Variants in ANKRD17 observed in about 807,000 individuals in gnomAD.
ANKRD17 encodes the protein ankyrin repeat domain 17.
In ANKRD17, 19 loss-of-function variants were observed where a neutral mutation model predicts 229.7. That is an observed-to-expected ratio of 0.08 (90% CI 0.06 to 0.12). The LOEUF is 0.12. Ranked by LOEUF, ANKRD17 falls within the 10% of genes least tolerant of loss-of-function variation. The probability of loss-of-function intolerance (pLI) is 1.00; values close to 1 mark genes in which losing one functional copy is unlikely to be tolerated. For missense variants in ANKRD17, 2,176 were observed against 3,176.8 expected (o/e 0.68, Z 7.57); for synonymous variants, 1,112 against 1,146.1 (o/e 0.97, Z 0.60).
intron 11 of ANKRD17, among the ~76,000 whole-genome samples, chr4:73,144,495 C>A (rs1426595116): frequency 6.6e-6 from 1 of 152,142 alleles, no homozygotes; most frequent in Non-Finnish European, 1.5e-5. Flanking sequence ...AGTTTTTACA[C>A]AGAGAAATTT....
intron 18 of ANKRD17, among the ~76,000 whole-genome samples, chr4:73,122,011 A>G (rs1726803919): frequency 6.6e-6 from 1 of 152,182 alleles, no homozygotes; most frequent in Admixed American, 6.5e-5. Context: ...GTCTGGACTG[A>G]AAATTTTGTG....
chr4:73,101,696 A>C (rs1279932338), intron 25 of ANKRD17, among the ~76,000 whole-genome samples: 9 of 149,256 alleles, frequency 6.0e-5, no homozygotes. Context: ...TTATAGGCGC[A>C]ATGTCAGGAT....
At position 73,155,668 on chromosome 4, in the gene ANKRD17, T is replaced by C. The variant is rs1731568311; in HGVS notation, c.963A>G (p.Leu321=). ...GGHVKIVKLL[L]AHKADVNAQS... is the part of the protein sequence containing the mutation. ...GTGCATTAACATCTGCTTTATGAGCTAGCAGCAACTTCACAATTTTGACAT... is the reference window on the plus strand; with the variant it reads ...GTGCATTAACATCTGCTTTATGAGCCAGCAGCAACTTCACAATTTTGACAT... Residue 321 remains leucine, a synonymous_variant, in exon 5 of 34, where the codon CTA becomes CTG. Transcript: ENST00000358602. 1.2e-6 allele frequency: 2 copies of C among 1,614,180 alleles called. No homozygotes were observed. The highest frequency in any genetic ancestry group is 1.7e-6 in the Non-Finnish European group (2 of 1,180,022).
At position 73,139,848 on chromosome 4, in the gene ANKRD17, T is replaced by G. The variant is rs756789868; in HGVS notation, c.2768A>C (p.Glu923Ala). Residue 923 changes from glutamate (E) to alanine (A), a missense_variant, in exon 15 of 34, where the codon GAG becomes GCG. Physicochemically the swap from Glu to Ala is moderately radical, Grantham distance 107 (BLOSUM62 -1). This residue lies in a region of ANKRD17 where 230 missense variants were observed against 252.3 expected (regional missense o/e 0.91). Coordinates refer to ENST00000358602, the MANE Select transcript of ANKRD17 (RefSeq NM_032217.5). ...TTGCTGTAACCGTGCATAGTCTCCC[T>G]CAGAAAGCTGCTCTCCAACTCCAAC... The part of the protein sequence containing the change: ...TPVGVGEQLS[E>A]GDYARLQQVD... 1 of 1,614,212 alleles carries G rather than the reference T, an allele frequency of 6.2e-7. No individual in the cohort carries two copies. Among genetic ancestry groups the G allele is most frequent in the South Asian group, 1.1e-5 (1 of 91,086 alleles).
chr4:73,093,380 T>TC (rs1722974596), intron 28 of ANKRD17, among the ~76,000 whole-genome samples: 1 of 148,058 alleles, frequency 6.8e-6, no homozygotes, highest in Admixed American at 6.7e-5. Context: ...CAAATTCTTT[T>TC]TTTTTTTTTT....
At chr4:73,202,934 G>A (rs534167703) in intron 1 of ANKRD17, among the ~76,000 whole-genome samples, 1 of 152,302 alleles carries the variant, frequency 6.6e-6, no homozygotes, top group Admixed American at 6.5e-5. Flanking sequence ...GTGAAACAAT[G>A]AGAGAAATGA....
At chr4:73,226,952 A>G (rs998550247) in intron 1 of ANKRD17, among the ~76,000 whole-genome samples, 1 of 152,230 alleles carries the variant, frequency 6.6e-6, no homozygotes, top group Admixed American at 6.5e-5. Context: ...TATTGAATAT[A>G]AACAGAATCT....
chr4:73,121,667 A>G lies in ANKRD17; in HGVS notation c.3585T>C (p.Tyr1195=). The change falls in exon 19 of 34, where the codon TAT becomes TAC. Residue 1195 remains tyrosine (Y), a synonymous_variant. Coordinates refer to ENST00000358602, the MANE Select transcript of ANKRD17 (RefSeq NM_032217.5). ...TTAGTAATATTTTGATGATGTTCAC[A>G]TAGCCACCAGAAGCAGCCAGACTTA... ...TPLSLAASGG[Y]VNIIKILLNA... 2 of 1,613,820 alleles carry G rather than the reference A, an allele frequency of 1.2e-6. No homozygotes were observed. The highest frequency in any genetic ancestry group is 1.7e-6 in the Non-Finnish European group (2 of 1,179,810).
intron 24 of ANKRD17, among the ~76,000 whole-genome samples, chr4:73,105,588 C>T (rs1022176816): frequency 1.3e-5 from 2 of 151,542 alleles, no homozygotes; most frequent in African/African-American, 4.8e-5. Flanking sequence ...ATGGATTTGG[C>T]GTGCTTTGTG....
chr4:73,142,655 A>G lies in ANKRD17; in HGVS notation c.2070T>C (p.Pro690=), dbSNP rs1729762527. 1.2e-5 allele frequency: 19 copies of G among 1,614,064 alleles called. No individual in the cohort carries two copies. The highest frequency in any genetic ancestry group is 1.6e-5 in the Non-Finnish European group (19 of 1,179,958). The change falls in exon 12 of 34, where the codon CCT becomes CCC. Residue 690 remains proline, a synonymous_variant. Transcript: ENST00000358602. ...VELLLAHGAD[P]THRLKDGSTM... ...AGTTACATACTTTCAAACGGTGAGT[A>G]GGATCTGCCCCATGAGCCAAAAGTA...
chr4:73,167,966 C>T (rs546225359), intron 2 of ANKRD17, among the ~76,000 whole-genome samples: 80 of 152,128 alleles, frequency 5.3e-4, no homozygotes, highest in Admixed American at 1.4e-3. Context: ...TCCTGGCTAA[C>T]GCAGCGAAAC....
Position 73,076,184 on chromosome 4 carries a change from T to A in ANKRD17, c.*47A>T, listed in dbSNP as rs753871611. On this transcript the variant is annotated 3_prime_UTR_variant, in exon 34 of 34. Transcript: ENST00000358602. ...AATTTTTTTTTTCGGCCACTTGTGA[T>A]TTCCTCCAAATGAAAAGGAATCTGC... The A allele has an allele frequency of 6.4e-7, 1 of 1,568,132 alleles. No individual in the cohort carries two copies. The highest frequency in any genetic ancestry group is 1.9e-5 in the Admixed American group (1 of 51,584).
chr4:73,200,716 C>T (rs1481651607), intron 1 of ANKRD17, among the ~76,000 whole-genome samples: 1 of 152,018 alleles, frequency 6.6e-6, no homozygotes, highest in Admixed American at 6.6e-5. Flanking sequence ...TTATAAGTCA[C>T]ATAAAAAATC....
At chr4:73,088,268 T>C (rs543603349) in intron 29 of ANKRD17, among the ~76,000 whole-genome samples, 2 of 152,250 alleles carry the variant, frequency 1.3e-5, no homozygotes, top group South Asian at 2.1e-4. Flanking sequence ...AATTAGGATC[T>C]GAGAGAGGTT....
chr4:73,174,140 A>AGGAAGGAAGGAAGGAAGGAAG (rs1245678529), intron 2 of ANKRD17, among the ~76,000 whole-genome samples: 2 of 151,610 alleles, frequency 1.3e-5, no homozygotes, highest in Admixed American at 6.6e-5. Flanking sequence ...GAAGGAAGGA[A>AGGAAGGAAGGAAGGAAGGAAG]GAAAACTACA....
Position 73,182,617 on chromosome 4 carries a change from C to T in ANKRD17, c.394-5084G>A, listed in dbSNP as rs547850070. 1.4e-4 allele frequency among the ~76,000 whole-genome samples: 21 copies of T among 152,240 alleles called. No individual in the cohort carries two copies. In the East Asian group the frequency reaches 4.1e-3, roughly 29 times the overall value. On this transcript the variant is annotated intron_variant, in intron 1 of 33. Transcript: ENST00000358602. ...ATTACTAAAAGTGGGACAAACAAAC[C>T]TAACATGCCCCCGATTTATGCAACA...
chr4:73,106,305 G>A (rs971739065), intron 24 of ANKRD17, among the ~76,000 whole-genome samples: 2 of 152,244 alleles, frequency 1.3e-5, no homozygotes, highest in South Asian at 4.2e-4. Context: ...TAACCCAACT[G>A]ATGATTTCTA....
Position 73,258,354 on chromosome 4 carries a change from TCCGCCTCCACCG to T in ANKRD17, c.303_314del (p.Gly107_Gly110del), listed in dbSNP as rs762636363. 0.014 allele frequency: 22,034 copies of T among 1,608,336 alleles called. 273 individuals are homozygous for T. The highest frequency in any genetic ancestry group is 0.047 in the South Asian group (4,305 of 90,842). The stretch of plus-strand genomic sequence containing the variant: ...TACTGCTGGTGCCGCCGCCGCCACC[TCCGCCTCCACCG>T]CCGCCTCCACCGCCGCCGCTGTTGT... On this transcript the variant is annotated inframe_deletion, in exon 1 of 34. Coordinates refer to ENST00000358602, the MANE Select transcript of ANKRD17 (RefSeq NM_032217.5).
At chr4:73,102,247 G>T in intron 25 of ANKRD17, 129 bp downstream of exon 25, 1 of 937,564 alleles carries the variant, frequency 1.1e-6, no homozygotes, top group Non-Finnish European at 1.5e-6. Flanking sequence ...ACGGGCGTGA[G>T]CCACTGTGCC....
Sources: gnomAD v4.1 joint callset for allele counts (sites outside exome capture counted in the v4.1 genomes callset) on GRCh38, gnomAD v4.1.1 for gene constraint, gnomAD v4.1.1 regional missense constraint, MANE v1.5 for transcripts, NCBI Gene and HGNC (gene_info 2026-07-23, HGNC 2026-07-21) for gene names.